Variants in ESR2 observed in about 807,000 individuals in gnomAD.
The protein encoded by ESR2 is estrogen receptor 2.
In ESR2, 36 loss-of-function variants were observed where a neutral mutation model predicts 49.6. That is an observed-to-expected ratio of 0.73 (90% CI 0.56 to 0.96). The LOEUF is 0.96. Among genes scored for constraint, ESR2 ranks in the 40% least tolerant of loss-of-function variants. The probability of loss-of-function intolerance (pLI) is 0.00; values close to 1 mark genes in which losing one functional copy is unlikely to be tolerated. For missense variants in ESR2, 714 were observed against 693.0 expected (o/e 1.03, Z -0.34); for synonymous variants, 320 against 266.1 (o/e 1.20, Z -1.97).
At position 64,260,615 on chromosome 14, in the gene ESR2, G is replaced by A; in HGVS notation, c.786C>T (p.Ala262=). 1 of 1,610,764 alleles carries A rather than the reference G, an allele frequency of 6.2e-7. No individual in the cohort carries two copies. Among genetic ancestry groups the A allele is most frequent in the Non-Finnish European group, 8.5e-7 (1 of 1,178,284 alleles). The change falls in exon 5 of 9, where the codon GCC becomes GCT. Residue 262 remains alanine, a synonymous_variant. Transcript: ENST00000341099. ...TGAGCACTAGCTGCTCGGGGCTCAG[G>A]GCGTCCAGCAGCAGCTCCCGCACTC... is the stretch of plus-strand genomic sequence containing the variant. ...APRVRELLLD[A]LSPEQLVLTL...
At chr14:64,249,076 A>G (rs8017441) in intron 7 of ESR2, among the ~76,000 whole-genome samples, 26,903 of 152,118 alleles carry the variant, frequency 0.18, 3,914 homozygotes, top group African/African-American at 0.4. Context: ...TGTAGACTTT[A>G]TCATAGCACA....
Position 64,231,951 on chromosome 14 carries a change from T to C in ESR2, c.*1186A>G, listed in dbSNP as rs1361675992. On this transcript the variant is annotated 3_prime_UTR_variant, in exon 9 of 9. Coordinates refer to ENST00000341099, the MANE Select transcript of ESR2 (RefSeq NM_001437.3). The stretch of plus-strand genomic sequence containing the variant: ...TTTCTTTTTCACCCTGCCCACCATA[T>C]AAATTTTCCAATAAGAAAATATTTT... 6.6e-6 allele frequency: 1 copy of C among 152,244 alleles called. No individual in the cohort carries two copies. Among genetic ancestry groups the C allele is most frequent in the Non-Finnish European group, 1.5e-5 (1 of 68,046 alleles). The allele number at this position is 152,244 out of a possible 1,614,324, so 9.4% of individuals were successfully genotyped here.
At chr14:64,322,183 C>T (rs537692773) in intron 1 of ESR2, among the ~76,000 whole-genome samples, 21 of 152,210 alleles carry the variant, frequency 1.4e-4, no homozygotes, top group African/African-American at 5.1e-4. Flanking sequence ...CTCATGCTCC[C>T]GAGTAGCTGG....
chr14:64,248,419 G>A (rs577679290), intron 7 of ESR2, among the ~76,000 whole-genome samples: 142 of 148,606 alleles, frequency 9.6e-4, no homozygotes, highest in Admixed American at 3.8e-3. Flanking sequence ...CAAGGTGGGA[G>A]GATCACTTGA....
In ESR2 at chr14:64,282,969, G is replaced by T; in HGVS notation, c.17C>A (p.Ser6Ter). ...GGAAGGAGAATTAAGGCTAGATGGT[G>T]AGTTTTTTATATCCATGTCTTGAGA... The part of the protein sequence containing the change: MDIKN[S>*]PSSLNSPSSY... The change falls in exon 2 of 9, where the codon TCA (serine) becomes TAA (stop). Residue 6 changes from serine (S) to a stop codon, truncating the protein, a stop_gained. Coordinates refer to ENST00000341099, the MANE Select transcript of ESR2 (RefSeq NM_001437.3). LOFTEE classifies it high-confidence loss of function. 6.2e-7 allele frequency: 1 copy of T among 1,612,472 alleles called. No homozygotes were observed. The highest frequency in any genetic ancestry group is 1.1e-5 in the South Asian group (1 of 90,882).
intron 6 of ESR2, among the ~76,000 whole-genome samples, chr14:64,253,588 G>C (rs1033671351): frequency 9.3e-5 from 13 of 139,196 alleles, no homozygotes; most frequent in African/African-American, 3.5e-4. Flanking sequence ...GTGTGTGTGT[G>C]TGTGTGTGTG....
At chr14:64,318,439 A>G (rs893132437) in intron 1 of ESR2, among the ~76,000 whole-genome samples, 1 of 143,702 alleles carries the variant, frequency 7.0e-6, no homozygotes, top group African/African-American at 2.5e-5. Flanking sequence ...TGGGAGGCTT[A>G]GGCAGGAGCA....
intron 7 of ESR2, among the ~76,000 whole-genome samples, chr14:64,240,633 C>G (rs1289944563): frequency 6.6e-6 from 1 of 152,154 alleles, no homozygotes; most frequent in Non-Finnish European, 1.5e-5. Context: ...ATCACCACAA[C>G]CAAGATAATG....
At chr14:64,291,738 A>G (rs1210817273) in intron 1 of ESR2, among the ~76,000 whole-genome samples, 2 of 152,200 alleles carry the variant, frequency 1.3e-5, no homozygotes, top group Non-Finnish European at 2.9e-5. Context: ...ACACAGACCT[A>G]AGCCCCTATG....
intron 8 of ESR2, 42 bp downstream of exon 8, chr14:64,234,928 C>A (rs757989022): frequency 1.2e-6 from 2 of 1,600,026 alleles, no homozygotes; most frequent in Non-Finnish European, 8.6e-7. Flanking sequence ...AGCACATAAT[C>A]CCATCCCAAG....
chr14:64,246,364 T>C (rs904290190), intron 7 of ESR2, among the ~76,000 whole-genome samples: 1 of 152,114 alleles, frequency 6.6e-6, no homozygotes, highest in African/African-American at 2.4e-5. Context: ...CTTCTGCCTT[T>C]GCTTGGGACT....
rs2098725984 is a variant in ESR2, at chr14:64,230,278, CTTTGAA to C, written c.*2853_*2858del. ...AATAGGCCTATAAACAGAAGGTTCA[CTTTGAA>C]TTTGAAAAGTCCCTTAGCAGACGTA... is the stretch of plus-strand genomic sequence containing the variant. On this transcript the variant is annotated 3_prime_UTR_variant, in exon 9 of 9. Coordinates refer to ENST00000341099, the MANE Select transcript of ESR2 (RefSeq NM_001437.3). 6.6e-6 allele frequency among the ~76,000 whole-genome samples: 1 copy of C among 151,642 alleles called. No homozygotes were observed. The highest frequency in any genetic ancestry group is 1.9e-4 in the East Asian group (1 of 5,174).
intron 1 of ESR2, among the ~76,000 whole-genome samples, chr14:64,322,751 G>A (rs1055576666): frequency 2.6e-5 from 4 of 152,042 alleles, no homozygotes; most frequent in African/African-American, 7.3e-5. Flanking sequence ...TTTAAAATAC[G>A]CACTGTGACC....
chr14:64,227,592 G>C, downstream of ESR2: 1 of 1,614,194 alleles, frequency 6.2e-7, no homozygotes, highest in Non-Finnish European at 8.5e-7. Flanking sequence ...AATGAGGTGA[G>C]TGTTTGAGAG....
intron 1 of ESR2, among the ~76,000 whole-genome samples, chr14:64,308,270 T>C (rs1278416614): frequency 2.0e-5 from 3 of 152,124 alleles, no homozygotes; most frequent in African/African-American, 7.2e-5. Flanking sequence ...TGCCTCGGCC[T>C]CCCAAAGTGC....
At chr14:64,235,985 C>T (rs966547457) in intron 7 of ESR2, among the ~76,000 whole-genome samples, 3 of 152,198 alleles carry the variant, frequency 2.0e-5, no homozygotes, top group Non-Finnish European at 4.4e-5. Context: ...GCTTCTCTTC[C>T]AGGCTTTCCA....
chr14:64,260,997 A>G (rs923204422), intron 4 of ESR2, among the ~76,000 whole-genome samples: 15 of 152,220 alleles, frequency 9.9e-5, no homozygotes, highest in Non-Finnish European at 1.6e-4. Context: ...CCATGAAATT[A>G]GGAATTTTCT....
chr14:64,323,437 G>C (rs1482729690), intron 1 of ESR2, among the ~76,000 whole-genome samples: 1 of 151,928 alleles, frequency 6.6e-6, no homozygotes, highest in Non-Finnish European at 1.5e-5. Flanking sequence ...TAAAACTCCT[G>C]ACCTCGAGTG....
chr14:64,292,247 AT>A (rs56172574), intron 1 of ESR2, among the ~76,000 whole-genome samples: 64,388 of 151,964 alleles, frequency 0.42, 14,191 homozygotes, highest in African/African-American at 0.51. Flanking sequence ...AAAGGAAAAT[AT>A]GTCTAAGTAA....
Sources: gnomAD v4.1 joint callset for allele counts (sites outside exome capture counted in the v4.1 genomes callset) on GRCh38, gnomAD v4.1.1 for gene constraint, MANE v1.5 for transcripts, NCBI Gene and HGNC (gene_info 2026-07-23, HGNC 2026-07-21) for gene names.